Variants in SPAST observed in about 807,000 individuals in gnomAD.
The protein encoded by SPAST is spastic paraplegia 4 (autosomal dominant; spastin).
Under a neutral mutation model 76.6 loss-of-function variants are expected in SPAST, and 30 were observed. The ratio of observed to expected loss-of-function variants is 0.39; its 90% CI spans 0.29 to 0.53. SPAST has a LOEUF of 0.53. Among genes scored for constraint, SPAST ranks in the 20% least tolerant of loss-of-function variants. SPAST has a pLI of 0.68. For synonymous variants in SPAST, 305 were observed against 281.0 expected (o/e 1.09, Z -0.86); for missense variants, 717 against 770.5 (o/e 0.93, Z 0.82).
intron 3 of SPAST, among the ~76,000 whole-genome samples, chr2:32,098,492 G>C (rs1210694249): frequency 6.6e-6 from 1 of 152,030 alleles, no homozygotes; most frequent in Non-Finnish European, 1.5e-5. Flanking sequence ...TGTTTTGGAC[G>C]TATTAGATAT....
chr2:32,068,544 G>A (rs1360280905), intron 1 of SPAST, among the ~76,000 whole-genome samples: 2 of 151,678 alleles, frequency 1.3e-5, no homozygotes, highest in African/African-American at 2.4e-5. Flanking sequence ...GGCTGTTCTC[G>A]AACTCCTGGC....
rs1553314864 is a variant in SPAST, at chr2:32,114,636, A to G, written c.683-2A>G. 1 of 1,613,552 alleles carries G rather than the reference A, an allele frequency of 6.2e-7. No individual in the cohort carries two copies. On this transcript the variant is annotated splice_acceptor_variant, in intron 4 of 16. Coordinates refer to ENST00000315285, the MANE Select transcript of SPAST (RefSeq NM_014946.4). LOFTEE classifies it high-confidence loss of function. The stretch of plus-strand genomic sequence containing the variant: ...ACAATGGTTTTACTTTTTCCTTGTC[A>G]GAAAGTGGAGCTGTTCCAAAAAGAA...
Position 32,116,179 on chromosome 2 carries a change from A to G in SPAST, c.1065A>G (p.Gln355=), listed in dbSNP as rs1366147876. The G allele has an allele frequency of 4.3e-6, 7 of 1,613,432 alleles. No homozygotes were observed. The highest frequency in any genetic ancestry group is 3.3e-4 in the Middle Eastern group (2 of 6,052). Residue 355 remains glutamine (Q), a synonymous_variant, in exon 7 of 17, where the codon CAA becomes CAG. Transcript: ENST00000315285. ...AAGACTTGGCAAAACAAGCATTGCA[A>G]GAAATTGTTATTCTTCCTTCTCTGA... ...AGQDLAKQAL[Q]EIVILPSLRP...
intron 3 of SPAST, among the ~76,000 whole-genome samples, chr2:32,090,964 C>T (rs895951041): frequency 2.6e-5 from 4 of 152,038 alleles, no homozygotes; most frequent in African/African-American, 9.7e-5. Flanking sequence ...TCCAGTGATA[C>T]TTTAATTCTG....
chr2:32,136,793 T>C, intron 10 of SPAST, 84 bp from the exon 11 acceptor site: 1 of 1,257,086 alleles, frequency 8.0e-7, no homozygotes, highest in South Asian at 1.2e-5. Flanking sequence ...ACCCACTATA[T>C]TAATAAGTAG....
chr2:32,117,590 G>T (rs1394769326), intron 7 of SPAST, among the ~76,000 whole-genome samples: 2 of 144,998 alleles, frequency 1.4e-5, no homozygotes, highest in African/African-American at 5.1e-5. Context: ...GGAGTGCAGT[G>T]GCTTGATGTT....
intron 1 of SPAST, among the ~76,000 whole-genome samples, chr2:32,085,325 C>G (rs1677431445): frequency 6.6e-6 from 1 of 150,766 alleles, no homozygotes; most frequent in Admixed American, 6.7e-5. Context: ...CAAGTGACCT[C>G]TCTCCTCAGT....
chr2:32,065,626 A>G (rs563327056), intron 1 of SPAST, among the ~76,000 whole-genome samples: 2 of 152,314 alleles, frequency 1.3e-5, no homozygotes, highest in South Asian at 4.1e-4. Flanking sequence ...TACTTCCAGT[A>G]TGCTGAGATC....
At chr2:32,138,134 G>A (rs529146267) in intron 12 of SPAST, among the ~76,000 whole-genome samples, 3 of 152,274 alleles carry the variant, frequency 2.0e-5, no homozygotes, top group Admixed American at 2.0e-4. Flanking sequence ...TGAAATGCAT[G>A]TCTTTTTGGT....
Position 32,143,425 on chromosome 2 carries a change from T to G in SPAST, c.1616+10T>G. Reference sequence around the variant, plus strand: ...TAGCACAACTTGCTAGGTGAGTAATTTGGATTTGGTTTATCTTACAGCTTT... The same window carrying G: ...TAGCACAACTTGCTAGGTGAGTAATGTGGATTTGGTTTATCTTACAGCTTT... On this transcript the variant is annotated intron_variant, in intron 14 of 16. Coordinates refer to ENST00000315285, the MANE Select transcript of SPAST (RefSeq NM_014946.4). 1 of 1,541,548 alleles carries G rather than the reference T, an allele frequency of 6.5e-7. No homozygotes were observed. Among genetic ancestry groups the G allele is most frequent in the Non-Finnish European group, 9.0e-7 (1 of 1,115,876 alleles).
intron 8 of SPAST, chr2:32,127,367 C>G (rs956884259): frequency 6.3e-6 from 2 of 317,486 alleles, no homozygotes; most frequent in South Asian, 3.0e-5. Flanking sequence ...GTCCTCCTAC[C>G]TGGGCCTCCT....
At chr2:32,083,501 T>C (rs1239999460) in intron 1 of SPAST, among the ~76,000 whole-genome samples, 1 of 151,448 alleles carries the variant, frequency 6.6e-6, no homozygotes, top group East Asian at 1.9e-4. Flanking sequence ...TTATGTTCTT[T>C]TGTTTTTTTG....
chr2:32,110,105 TTTTTTTTTTTTG>T (rs903841744), intron 4 of SPAST, among the ~76,000 whole-genome samples: 5 of 51,168 alleles, frequency 9.8e-5, no homozygotes, highest in African/African-American at 3.5e-4. Flanking sequence ...GTTTTTTTTG[TTTTTTTTTTTTG>T]TTTTTTTTGT....
intron 7 of SPAST, among the ~76,000 whole-genome samples, chr2:32,118,407 A>G (rs1678913574): frequency 6.6e-6 from 1 of 152,218 alleles, no homozygotes; most frequent in Non-Finnish European, 1.5e-5. Flanking sequence ...CAGTAAAATA[A>G]TTAGATAATT....
chr2:32,152,781 T>TCGC (rs1320923638), intron 16 of SPAST, among the ~76,000 whole-genome samples: 1 of 151,390 alleles, frequency 6.6e-6, no homozygotes, highest in East Asian at 1.9e-4. Flanking sequence ...AGGGTATCAC[T>TCGC]CTGTCTCCCA....
chr2:32,068,321 A>G (rs1173555478), intron 1 of SPAST, among the ~76,000 whole-genome samples: 3 of 129,786 alleles, frequency 2.3e-5, no homozygotes, highest in Non-Finnish European at 4.8e-5. Context: ...GGCTGTTGAC[A>G]GCTCTTTTTT....
chr2:32,128,581 G>T, intron 9 of SPAST, 102 bp downstream of exon 9: 1 of 790,430 alleles, frequency 1.3e-6, no homozygotes. Flanking sequence ...TTTTCTAGGA[G>T]CTTATCTATT....
chr2:32,085,703 G>A (rs550564679), intron 1 of SPAST, among the ~76,000 whole-genome samples: 1 of 152,200 alleles, frequency 6.6e-6, no homozygotes, highest in South Asian at 2.1e-4. Context: ...TAGTCATAAG[G>A]AGACGGCATT....
intron 1 of SPAST, among the ~76,000 whole-genome samples, chr2:32,068,104 G>A (rs529280929): frequency 2.9e-5 from 4 of 135,748 alleles, no homozygotes; most frequent in South Asian, 2.4e-4. Context: ...TCAGCTTCCC[G>A]AGTAGCTGGG....
Sources: allele counts gnomAD v4.1 joint callset (sites outside exome capture counted in the v4.1 genomes callset), GRCh38; gene constraint gnomAD v4.1.1; transcripts MANE v1.5; gene names NCBI Gene and HGNC (gene_info 2026-07-23, HGNC 2026-07-21).